Variants in TOX observed in about 807,000 individuals in gnomAD.
TOX encodes the protein thymocyte selection-associated high mobility group box protein TOX.
A neutral mutation model predicts 53.7 loss-of-function variants in TOX; 11 were observed. The observed-to-expected ratio is 0.20, with a 90% CI of 0.13 to 0.34. The LOEUF is 0.34. Among genes scored for constraint, TOX ranks in the 10% least tolerant of loss-of-function variants. The pLI is 1.00. For missense variants in TOX, 570 were observed against 664.6 expected (o/e 0.86, Z 1.56); for synonymous variants, 225 against 245.3 (o/e 0.92, Z 0.77).
chr8:59,083,528 A>G (rs1804450229), intron 1 of TOX, among the ~76,000 whole-genome samples: 1 of 152,350 alleles, frequency 6.6e-6, no homozygotes, highest in Middle Eastern at 3.4e-3. Flanking sequence ...AAATATATTT[A>G]TAATAAGAGT....
intron 2 of TOX, among the ~76,000 whole-genome samples, chr8:58,947,242 T>C (rs1812538243): frequency 6.6e-6 from 1 of 152,110 alleles, no homozygotes; most frequent in African/African-American, 2.4e-5. Flanking sequence ...AATTTTAAGA[T>C]CCATAGGCTA....
In TOX at chr8:59,036,124, C is replaced by T. The variant is rs534258636; in HGVS notation, c.103-76116G>A. 7.9e-5 allele frequency among the ~76,000 whole-genome samples: 12 copies of T among 152,256 alleles called. 1 individual carries two copies. The highest frequency in any genetic ancestry group is 6.8e-3 in the Middle Eastern group (2 of 294). On this transcript the variant is annotated intron_variant, in intron 1 of 8. Transcript: ENST00000361421. Reference sequence around the variant, plus strand: ...TTCTCGAAGCTCAGGAAAAGAAAAGCAGGTCAGACTTAGGTAGTGGGTAGG... The same window carrying T: ...TTCTCGAAGCTCAGGAAAAGAAAAGTAGGTCAGACTTAGGTAGTGGGTAGG...
At chr8:58,963,452 A>T (rs1429767173) in intron 1 of TOX, among the ~76,000 whole-genome samples, 1 of 152,206 alleles carries the variant, frequency 6.6e-6, no homozygotes, top group Non-Finnish European at 1.5e-5. Flanking sequence ...CTATCAGGAT[A>T]TTCAGAACTC....
intron 1 of TOX, among the ~76,000 whole-genome samples, chr8:59,001,783 A>G (rs1813692725): frequency 6.6e-6 from 1 of 152,166 alleles, no homozygotes; most frequent in Non-Finnish European, 1.5e-5. Flanking sequence ...TGACAAAATG[A>G]TAGTTGCACT....
chr8:58,899,703 G>A (rs979064211), intron 3 of TOX, among the ~76,000 whole-genome samples: 3 of 152,174 alleles, frequency 2.0e-5, no homozygotes, highest in Admixed American at 1.3e-4. Context: ...AACTTTTTGA[G>A]TGCTGAAACA....
chr8:59,060,322 G>A (rs931280270), intron 1 of TOX, among the ~76,000 whole-genome samples: 9 of 152,094 alleles, frequency 5.9e-5, no homozygotes, highest in African/African-American at 1.9e-4. Context: ...AATCCCAATA[G>A]TGTGCTGGCT....
intron 1 of TOX, among the ~76,000 whole-genome samples, chr8:59,099,969 T>C (rs759128691): frequency 2.0e-5 from 3 of 152,168 alleles, no homozygotes; most frequent in Non-Finnish European, 4.4e-5. Flanking sequence ...AATGTAAATG[T>C]ACTCAATATT....
At chr8:58,961,400 TTGTTAGAGCAAATAAAAAA>T (rs1812793636) in intron 1 of TOX, among the ~76,000 whole-genome samples, 1 of 152,194 alleles carries the variant, frequency 6.6e-6, no homozygotes, top group African/African-American at 2.4e-5. Flanking sequence ...AAAGATGTGG[TTGTTAGAGCAAATAAAAAA>T]TAGTACAAGT....
At chr8:58,834,746 G>A (rs1198987465) in intron 5 of TOX, among the ~76,000 whole-genome samples, 12 of 152,176 alleles carry the variant, frequency 7.9e-5, no homozygotes, top group South Asian at 2.1e-4. Flanking sequence ...TGTAAGCAGC[G>A]TCTGATTTCA....
chr8:58,811,888 T>G (rs1046694344), intron 7 of TOX, among the ~76,000 whole-genome samples: 1 of 152,248 alleles, frequency 6.6e-6, no homozygotes, highest in Admixed American at 6.5e-5. Context: ...CCTGGTGGAC[T>G]ACACAATCAT....
At position 59,021,481 on chromosome 8, in the gene TOX, A is replaced by AAAT. The variant is rs59174995; in HGVS notation, c.103-61474_103-61473insATT. 2.8e-3 allele frequency among the ~76,000 whole-genome samples: 178 copies of AAAT among 64,712 alleles called. 4 individuals carry two copies. Among genetic ancestry groups the AAAT allele is most frequent in the Middle Eastern group, 0.019 (2 of 104 alleles). 42.5% of individuals were successfully genotyped at this position (64,712 alleles called of 152,430 possible). A position where few individuals can be genotyped will look rare whatever the true frequency, so the allele number is the denominator to read the frequency against. ...CTACAAGCAAAAAAAAAAAAAAAAA[A>AAAT]ATATATATATATATATATGCACATA... is the stretch of plus-strand genomic sequence containing the variant. On this transcript the variant is annotated intron_variant, in intron 1 of 8. Transcript: ENST00000361421.
intron 3 of TOX, among the ~76,000 whole-genome samples, chr8:58,880,701 C>G (rs1385888855): frequency 6.6e-6 from 1 of 152,074 alleles, no homozygotes; most frequent in Non-Finnish European, 1.5e-5. Flanking sequence ...AAATGGTGAG[C>G]TGAGAAAGGA....
At chr8:58,864,083 G>T (rs1004422109) in intron 3 of TOX, among the ~76,000 whole-genome samples, 1 of 152,038 alleles carries the variant, frequency 6.6e-6, no homozygotes, top group African/African-American at 2.4e-5. Flanking sequence ...CAGTACATCT[G>T]CTATATTTTC....
intron 1 of TOX, among the ~76,000 whole-genome samples, chr8:58,980,607 T>C (rs1813186535): frequency 6.6e-6 from 1 of 152,202 alleles, no homozygotes; most frequent in African/African-American, 2.4e-5. Flanking sequence ...CATTTTTGTG[T>C]TACCACCCTC....
At chr8:59,034,748 T>G (rs144603841) in intron 1 of TOX, among the ~76,000 whole-genome samples, 77 of 152,270 alleles carry the variant, frequency 5.1e-4, no homozygotes, top group Middle Eastern at 3.4e-3. Flanking sequence ...AAATGGCAAG[T>G]TAGAGAAAGA....
At chr8:58,842,743 G>T (rs544512459) in intron 4 of TOX, among the ~76,000 whole-genome samples, 1 of 152,174 alleles carries the variant, frequency 6.6e-6, no homozygotes, top group African/African-American at 2.4e-5. Flanking sequence ...ACTTGTTACT[G>T]CCAGTAAGAG....
chr8:58,977,474 A>C (rs918488877), intron 1 of TOX, among the ~76,000 whole-genome samples: 2 of 152,234 alleles, frequency 1.3e-5, no homozygotes, highest in Non-Finnish European at 2.9e-5. Context: ...TATTATTGGT[A>C]TGTTCACAGG....
At chr8:59,048,921 T>C (rs773170620) in intron 1 of TOX, among the ~76,000 whole-genome samples, 1 of 152,206 alleles carries the variant, frequency 6.6e-6, no homozygotes, top group Non-Finnish European at 1.5e-5. Context: ...GATATTAATA[T>C]ATGAAATATG....
intron 3 of TOX, among the ~76,000 whole-genome samples, chr8:58,893,740 G>A (rs1811596671): frequency 1.3e-5 from 2 of 152,208 alleles, no homozygotes; most frequent in Admixed American, 6.5e-5. Flanking sequence ...ATAGAAGAAA[G>A]TTACAAAAGC....
Sources: allele counts gnomAD v4.1 joint callset (sites outside exome capture counted in the v4.1 genomes callset), GRCh38; gene constraint gnomAD v4.1.1; transcripts MANE v1.5; gene names NCBI Gene and HGNC (gene_info 2026-07-23, HGNC 2026-07-21).